Variants in UNC5C observed in about 807,000 individuals in gnomAD.
The protein encoded by UNC5C is netrin receptor UNC5C.
A neutral mutation model predicts 99.8 loss-of-function variants in UNC5C; 47 were observed. That is an observed-to-expected ratio of 0.47 (90% CI 0.37 to 0.60). The LOEUF is 0.60. Ranked by LOEUF, UNC5C falls within the 20% of genes least tolerant of loss-of-function variation. UNC5C has a pLI of 0.00. For missense variants in UNC5C, 1,062 were observed against 1,165.9 expected, an observed-to-expected ratio of 0.91 and a Z score of 1.30; for synonymous variants, 487 against 452.2, an observed-to-expected ratio of 1.08 and a Z score of -0.98.
chr4:95,525,777 T>A (rs924041278), intron 1 of UNC5C, among the ~76,000 whole-genome samples: 2 of 152,054 alleles, frequency 1.3e-5, no homozygotes, highest in Non-Finnish European at 2.9e-5. Flanking sequence ...AGTCAATTAG[T>A]GACAATTCCC....
intron 1 of UNC5C, among the ~76,000 whole-genome samples, chr4:95,465,124 A>C (rs1373127963): frequency 1.3e-5 from 2 of 152,192 alleles, no homozygotes; most frequent in Non-Finnish European, 2.9e-5. Context: ...CCAAATGAAT[A>C]CCGTATGGGT....
chr4:95,310,426 G>A (rs961594440), intron 2 of UNC5C, among the ~76,000 whole-genome samples: 1 of 45,718 alleles, frequency 2.2e-5, no homozygotes, highest in Non-Finnish European at 4.3e-5. Flanking sequence ...TGCCAAGACA[G>A]TAGATTTTTA....
At chr4:95,506,659 A>G (rs1721931101) in intron 1 of UNC5C, among the ~76,000 whole-genome samples, 1 of 151,996 alleles carries the variant, frequency 6.6e-6, no homozygotes, top group Admixed American at 6.6e-5. Context: ...GACAGATGGT[A>G]AATCTGGGAA....
At chr4:95,175,878 C>A (rs991978345) in intron 14 of UNC5C, among the ~76,000 whole-genome samples, 3 of 151,764 alleles carry the variant, frequency 2.0e-5, no homozygotes, top group African/African-American at 7.3e-5. Context: ...CTTTCAGGTA[C>A]ACCAATCAGA....
chr4:95,496,833 C>T (rs1005510600), intron 1 of UNC5C, among the ~76,000 whole-genome samples: 2 of 151,848 alleles, frequency 1.3e-5, no homozygotes, highest in African/African-American at 4.8e-5. Context: ...ATCCCTCACC[C>T]TCTCCCAATC....
At chr4:95,360,534 G>A (rs76580633) in intron 1 of UNC5C, among the ~76,000 whole-genome samples, 2,955 of 152,300 alleles carry the variant, frequency 0.019, 36 homozygotes, top group Non-Finnish European at 0.031. Context: ...GTTAAGTAGT[G>A]CAATACAACT....
At chr4:95,205,363 C>G (rs1407988425) in intron 11 of UNC5C, among the ~76,000 whole-genome samples, 13 of 152,156 alleles carry the variant, frequency 8.5e-5, no homozygotes, top group Non-Finnish European at 2.9e-5. Flanking sequence ...CTGGTTAAAT[C>G]TGGTCCTAAC....
intron 14 of UNC5C, 143 bp downstream of exon 14, chr4:95,182,751 ATAT>A: frequency 1.2e-6 from 1 of 813,406 alleles, no homozygotes; most frequent in African/African-American, 1.7e-5. Flanking sequence ...CTCATTACAA[ATAT>A]TATTCTATTA....
chr4:95,483,949 T>C (rs1443808196), intron 1 of UNC5C, among the ~76,000 whole-genome samples: 2 of 151,870 alleles, frequency 1.3e-5, no homozygotes, highest in African/African-American at 2.4e-5. Flanking sequence ...ATTCATATTC[T>C]AATATGTCAG....
chr4:95,437,008 A>C (rs1746814904), intron 1 of UNC5C, among the ~76,000 whole-genome samples: 1 of 151,352 alleles, frequency 6.6e-6, no homozygotes, highest in Non-Finnish European at 1.5e-5. Context: ...AAAAAAAAAA[A>C]AAAACAGAGA....
intron 1 of UNC5C, among the ~76,000 whole-genome samples, chr4:95,414,635 T>C (rs1746106542): frequency 6.6e-6 from 1 of 152,228 alleles, no homozygotes; most frequent in Non-Finnish European, 1.5e-5. Flanking sequence ...GATGTCAGCT[T>C]TCTCTAACCC....
chr4:95,216,085 A>G (rs560407130), intron 10 of UNC5C, 39 bp downstream of exon 10: 1 of 1,549,026 alleles, frequency 6.5e-7, no homozygotes, highest in African/African-American at 1.4e-5. Context: ...TCCAAGTTAG[A>G]CATTGGTAAA....
chr4:95,228,903 G>C (rs945455825), intron 7 of UNC5C, among the ~76,000 whole-genome samples: 1 of 152,058 alleles, frequency 6.6e-6, no homozygotes, highest in Non-Finnish European at 1.5e-5. Context: ...ACAAGTGTGG[G>C]GCAAGCAAAG....
intron 4 of UNC5C, among the ~76,000 whole-genome samples, chr4:95,275,448 A>G (rs1243851554): frequency 6.6e-6 from 1 of 152,190 alleles, no homozygotes; most frequent in Non-Finnish European, 1.5e-5. Context: ...CAAAGACACT[A>G]TTATTATCTC....
intron 1 of UNC5C, among the ~76,000 whole-genome samples, chr4:95,367,533 T>G (rs1744611419): frequency 6.6e-6 from 1 of 151,862 alleles, no homozygotes; most frequent in Non-Finnish European, 1.5e-5. Flanking sequence ...AATGTAGATG[T>G]TAAATATTTT....
chr4:95,452,527 C>T (rs965880838), intron 1 of UNC5C, among the ~76,000 whole-genome samples: 2 of 151,960 alleles, frequency 1.3e-5, no homozygotes, highest in Admixed American at 6.6e-5. Context: ...GCAGACACTA[C>T]CATACAAGAT....
intron 1 of UNC5C, among the ~76,000 whole-genome samples, chr4:95,489,313 T>C (rs1243237368): frequency 1.3e-5 from 2 of 151,576 alleles, no homozygotes; most frequent in East Asian, 3.9e-4. Flanking sequence ...CACATGGGGA[T>C]TTTTAAGGAA....
intron 1 of UNC5C, among the ~76,000 whole-genome samples, chr4:95,492,655 A>G (rs1392306528): frequency 6.6e-6 from 1 of 151,524 alleles, no homozygotes; most frequent in East Asian, 1.9e-4. Flanking sequence ...TCACACACAC[A>G]AAAATCTTGA....
intron 7 of UNC5C, among the ~76,000 whole-genome samples, chr4:95,222,876 C>T (rs576253095): frequency 1.3e-5 from 2 of 152,082 alleles, no homozygotes; most frequent in African/African-American, 2.4e-5. Context: ...AGGGACTGAA[C>T]AGTTTGTCAA....
Sources: gnomAD v4.1 joint callset for allele counts (sites outside exome capture counted in the v4.1 genomes callset) on GRCh38, gnomAD v4.1.1 for gene constraint, MANE v1.5 for transcripts, NCBI Gene and HGNC (gene_info 2026-07-23, HGNC 2026-07-21) for gene names.